NR3C1: variants seen among roughly 807,000 people sequenced by gnomAD.
The protein encoded by NR3C1 is nuclear receptor subfamily 3 group C member 1.
A neutral mutation model predicts 74.0 loss-of-function variants in NR3C1; 14 were observed. The ratio of observed to expected loss-of-function variants is 0.19; its 90% CI spans 0.12 to 0.30. The LOEUF is 0.30. Among genes scored for constraint, NR3C1 ranks in the 10% least tolerant of loss-of-function variants. NR3C1 has a pLI of 1.00. For synonymous variants in NR3C1, 308 were observed against 332.5 expected, an observed-to-expected ratio of 0.93 and a Z score of 0.80; for missense variants, 695 against 909.8, an observed-to-expected ratio of 0.76 and a Z score of 3.04.
rs1018373029 is a variant in NR3C1, at chr5:143,280,870, T to C, written c.*1019A>G. ...TGGAATCACAACTTTTAAGAAGTTA[T>C]ACAAACTACTTCAAAAGGTCCTGAA... is the stretch of plus-strand genomic sequence containing the variant. On this transcript the variant is annotated 3_prime_UTR_variant, in exon 9 of 9. Coordinates refer to ENST00000394464, the MANE Select transcript of NR3C1 (RefSeq NM_000176.3). 3.3e-5 allele frequency: 5 copies of C among 152,222 alleles called. No individual in the cohort carries two copies. Among genetic ancestry groups the C allele is most frequent in the African/African-American group, 4.8e-5 (2 of 41,466 alleles). 9.4% of individuals were successfully genotyped at this position (152,222 alleles called of 1,614,324 possible).
At chr5:143,374,478 G>A (rs202185150) in intron 2 of NR3C1, among the ~76,000 whole-genome samples, 1 of 147,748 alleles carries the variant, frequency 6.8e-6, no homozygotes, top group South Asian at 2.1e-4. Context: ...GCGACAGAGC[G>A]AGACTCTGTC....
chr5:143,400,262 A>C lies in NR3C1; in HGVS notation c.578T>G (p.Ile193Ser), dbSNP rs753416213. 1 of 1,597,058 alleles carries C rather than the reference A, an allele frequency of 6.3e-7. No individual in the cohort carries two copies. Among genetic ancestry groups the C allele is most frequent in the Non-Finnish European group, 8.5e-7 (1 of 1,173,068 alleles). Residue 193 changes from isoleucine to serine, a missense_variant, in exon 2 of 9, where the codon ATT becomes AGT. Physicochemically the swap from Ile to Ser is moderately radical, Grantham distance 142. This residue lies in a region of NR3C1 where 497 missense variants were observed against 489.5 expected (regional missense o/e 1.02). Coordinates refer to ENST00000394464, the MANE Select transcript of NR3C1 (RefSeq NM_000176.3). ...LYTTDQSTFD[I>S]LQDLEFSSGS... ...AGAAGAAAACTCCAAATCCTGCAAA[A>C]TGTCAAAGGTGCTTTGGTCTGTGGT...
At chr5:143,369,501 G>A (rs1169508903) in intron 2 of NR3C1, among the ~76,000 whole-genome samples, 2 of 152,106 alleles carry the variant, frequency 1.3e-5, no homozygotes, top group Non-Finnish European at 2.9e-5. Context: ...CCACATAACA[G>A]AATATTACTC....
At chr5:143,433,481 T>C (rs918002332) in intron 1 of NR3C1, among the ~76,000 whole-genome samples, 5 of 38,962 alleles carry the variant, frequency 1.3e-4, no homozygotes, top group Non-Finnish European at 3.0e-4. Flanking sequence ...TTTAATTTCA[T>C]CTTGTGTGGG....
intron 6 of NR3C1, among the ~76,000 whole-genome samples, chr5:143,298,096 G>C (rs1266424942): frequency 6.6e-6 from 1 of 152,194 alleles, no homozygotes; most frequent in African/African-American, 2.4e-5. Context: ...GACACCTGAA[G>C]TATTTCGCAG....
At chr5:143,359,997 CA>C (rs1439284380) in intron 2 of NR3C1, among the ~76,000 whole-genome samples, 1 of 152,114 alleles carries the variant, frequency 6.6e-6, no homozygotes, top group Non-Finnish European at 1.5e-5. Flanking sequence ...TTCTGAATTT[CA>C]AAAGTGAAGA....
At chr5:143,343,675 T>C (rs1828668267) in intron 2 of NR3C1, among the ~76,000 whole-genome samples, 1 of 152,218 alleles carries the variant, frequency 6.6e-6, no homozygotes. Flanking sequence ...TTCTTACAAG[T>C]TGCAATATTC....
intron 1 of NR3C1, chr5:143,402,496 G>T: frequency 1.4e-6 from 1 of 713,266 alleles, no homozygotes; most frequent in Non-Finnish European, 1.7e-6. Context: ...GGGCCACTTA[G>T]AAACCTCAGG....
rs544996516 is a variant in NR3C1 at position 143,339,957 on chromosome 5, A to C, written c.1185-25789T>G. On this transcript the variant is annotated intron_variant, in intron 2 of 8. Coordinates refer to ENST00000394464, the MANE Select transcript of NR3C1 (RefSeq NM_000176.3). ...GTCCCAGAAGGGGAAGACAATGAAA[A>C]TTCAAGAGAAAGATAATGAAGACAT... Among the ~76,000 whole-genome samples, 12 of 152,352 alleles carry C rather than the reference A, an allele frequency of 7.9e-5. No individual in the cohort carries two copies. The South Asian group carries it at 1.7e-3, about 21-fold the overall frequency.
chr5:143,417,269 C>G (rs1197378879), intron 1 of NR3C1, among the ~76,000 whole-genome samples: 1 of 152,148 alleles, frequency 6.6e-6, no homozygotes, highest in Non-Finnish European at 1.5e-5. Context: ...AAAAATCAAT[C>G]CCTTAGTGGA....
intron 2 of NR3C1, among the ~76,000 whole-genome samples, chr5:143,385,269 G>A (rs891451106): frequency 2.6e-5 from 4 of 152,186 alleles, no homozygotes; most frequent in African/African-American, 4.8e-5. Flanking sequence ...AGGAAGGGCT[G>A]CCATGAAGGT....
At position 143,304,531 on chromosome 5, in the gene NR3C1, C is replaced by A. The variant is rs116299513; in HGVS notation, c.1469-3768G>T. On this transcript the variant is annotated intron_variant, in intron 4 of 8. Coordinates refer to ENST00000394464, the MANE Select transcript of NR3C1 (RefSeq NM_000176.3). ...CACTATTCCTATCAAACTACAATGT[C>A]ATTTTTCACAGAATTAGCAAAAAGC... Among the ~76,000 whole-genome samples, 227 of 152,164 alleles carry A rather than the reference C, an allele frequency of 1.5e-3. 1 individual carries two copies. Among genetic ancestry groups the A allele is most frequent in the Non-Finnish European group, 2.9e-3 (194 of 67,964 alleles).
intron 2 of NR3C1, among the ~76,000 whole-genome samples, chr5:143,382,881 C>A (rs1836508572): frequency 6.6e-6 from 1 of 152,180 alleles, no homozygotes; most frequent in African/African-American, 2.4e-5. Context: ...TATATCTAAT[C>A]CTTTCCTCGT....
chr5:143,409,628 T>A (rs987920684), intron 1 of NR3C1, among the ~76,000 whole-genome samples: 4 of 152,236 alleles, frequency 2.6e-5, no homozygotes, highest in Admixed American at 1.3e-4. Flanking sequence ...TTTAACTTTA[T>A]AAGGTAAGAG....
intron 4 of NR3C1, among the ~76,000 whole-genome samples, chr5:143,302,156 T>C (rs1194413707): frequency 6.6e-6 from 1 of 152,070 alleles, no homozygotes; most frequent in East Asian, 1.9e-4. Context: ...TCCCCTTCTG[T>C]AAAATGAGGA....
At chr5:143,395,686 G>A (rs1341325219) in intron 2 of NR3C1, among the ~76,000 whole-genome samples, 1 of 151,834 alleles carries the variant, frequency 6.6e-6, no homozygotes, top group Non-Finnish European at 1.5e-5. Context: ...AAAAGAATGT[G>A]CTTTAAGAAC....
chr5:143,300,769 G>T lies in NR3C1; in HGVS notation c.1469-6C>A. 2 of 1,612,734 alleles carry T rather than the reference G, an allele frequency of 1.2e-6. No homozygotes were observed. Among genetic ancestry groups the T allele is most frequent in the Non-Finnish European group, 1.7e-6 (2 of 1,179,368 alleles). ...TTTTTTCTTTGTTTTTCGAGCTGTGGGTATTTAAACAAATACATAGAAATG... is the reference window on the plus strand; with the variant it reads ...TTTTTTCTTTGTTTTTCGAGCTGTGTGTATTTAAACAAATACATAGAAATG... On this transcript the variant is annotated splice_region_variant and splice_polypyrimidine_tract_variant and intron_variant, in intron 4 of 8. Transcript: ENST00000394464. This position sits in a 1 kb window ranked among gnomAD's most constrained non-coding sequence, Gnocchi z 5.2.
At chr5:143,352,519 C>T (rs1423460922) in intron 2 of NR3C1, among the ~76,000 whole-genome samples, 1 of 151,890 alleles carries the variant, frequency 6.6e-6, no homozygotes, top group African/African-American at 2.4e-5. Flanking sequence ...TTTTTATATG[C>T]TGGGTTTTTT....
chr5:143,329,755 A>G (rs918288797), intron 2 of NR3C1, among the ~76,000 whole-genome samples: 2 of 152,192 alleles, frequency 1.3e-5, no homozygotes, highest in Non-Finnish European at 2.9e-5. Flanking sequence ...TTAAATACCA[A>G]TACTCATGTA....
Sources: gnomAD v4.1 joint callset for allele counts (sites outside exome capture counted in the v4.1 genomes callset) on GRCh38, gnomAD v4.1.1 for gene constraint, gnomAD v4.1.1 regional missense constraint, Gnocchi (gnomAD v3.1) non-coding constraint, MANE v1.5 for transcripts, NCBI Gene and HGNC (gene_info 2026-07-23, HGNC 2026-07-21) for gene names.